ASIC2: variants seen among roughly 807,000 people sequenced by gnomAD.
ASIC2 encodes acid-sensing ion channel 2.
A neutral mutation model predicts 57.3 loss-of-function variants in ASIC2; 25 were observed. The observed-to-expected ratio is 0.44, with a 90% CI of 0.32 to 0.61. The LOEUF is 0.61. ASIC2 is among the 20% of genes least tolerant of loss of function. The probability of loss-of-function intolerance (pLI) is 0.06; values close to 1 mark genes in which losing one functional copy is unlikely to be tolerated. For missense variants in ASIC2, 641 were observed against 738.1 expected (o/e 0.87, Z 1.52); for synonymous variants, 319 against 307.5 (o/e 1.04, Z -0.39).
chr17:33,545,205 A>G (rs1007624771), intron 1 of ASIC2, among the ~76,000 whole-genome samples: 1 of 152,200 alleles, frequency 6.6e-6, no homozygotes, highest in Non-Finnish European at 1.5e-5. Context: ...TTTTTAAAGA[A>G]ATATGACAAT....
At chr17:33,799,560 T>C (rs1912069953) in intron 1 of ASIC2, among the ~76,000 whole-genome samples, 1 of 150,826 alleles carries the variant, frequency 6.6e-6, no homozygotes, top group South Asian at 2.1e-4. Flanking sequence ...TTTTATTTCC[T>C]GCTTTTATTT....
chr17:33,815,934 C>T (rs1912566344), intron 1 of ASIC2, among the ~76,000 whole-genome samples: 1 of 152,174 alleles, frequency 6.6e-6, no homozygotes, highest in African/African-American at 2.4e-5. Flanking sequence ...GCTAGTATCA[C>T]AGTCTACGGG....
intron 1 of ASIC2, among the ~76,000 whole-genome samples, chr17:33,507,433 A>T (rs567986500): frequency 6.6e-6 from 1 of 152,210 alleles, no homozygotes; most frequent in South Asian, 2.1e-4. Context: ...CTGATTTCCT[A>T]CCTAGACTCT....
chr17:33,727,051 T>A (rs938699299), intron 1 of ASIC2, among the ~76,000 whole-genome samples: 5 of 152,198 alleles, frequency 3.3e-5, no homozygotes, highest in African/African-American at 1.2e-4. Context: ...TTTTGGTCAT[T>A]ACACATTCTT....
intron 1 of ASIC2, among the ~76,000 whole-genome samples, chr17:33,940,535 C>T (rs1916165906): frequency 6.6e-6 from 1 of 151,996 alleles, no homozygotes; most frequent in African/African-American, 2.4e-5. Context: ...TCCATCCCTT[C>T]CTTCCTTCCT....
chr17:33,710,789 C>T (rs1276488550), intron 1 of ASIC2, among the ~76,000 whole-genome samples: 1 of 152,030 alleles, frequency 6.6e-6, no homozygotes, highest in Non-Finnish European at 1.5e-5. Context: ...CAGTTTGGGT[C>T]CTTGTGGCAG....
chr17:34,048,824 C>T (rs1222608745), intron 1 of ASIC2, among the ~76,000 whole-genome samples: 1 of 152,162 alleles, frequency 6.6e-6, no homozygotes, highest in Admixed American at 6.5e-5. Context: ...AGACCAGCAA[C>T]ATAGTGAACA....
At chr17:33,661,503 G>A (rs891751747) in intron 1 of ASIC2, among the ~76,000 whole-genome samples, 1 of 152,202 alleles carries the variant, frequency 6.6e-6, no homozygotes, top group Admixed American at 6.5e-5. Flanking sequence ...AAGTCTAGTG[G>A]CATGGCCTTG....
chr17:34,009,453 A>G (rs538677621), intron 1 of ASIC2, among the ~76,000 whole-genome samples: 1 of 152,240 alleles, frequency 6.6e-6, no homozygotes, highest in Non-Finnish European at 1.5e-5. Context: ...AAAGAATATA[A>G]AATATCTCTT....
In ASIC2 at chr17:34,039,928, C is replaced by T; in HGVS notation, c.555+116050G>A. On this transcript the variant is annotated intron_variant, in intron 1 of 9. Coordinates refer to the ASIC2 transcript ENST00000359872. ...ACGCTCCTCCCTGGAGGGACCCCGA[C>T]CCGACCCGGCTGCGGACCGCTCCGC... is the stretch of plus-strand genomic sequence containing the variant. 9 of 1,466,028 alleles carry T rather than the reference C, an allele frequency of 6.1e-6. 1 individual carries two copies. The highest frequency in any genetic ancestry group is 4.6e-5 in the South Asian group (4 of 87,688). 90.8% of individuals were successfully genotyped at this position (1,466,028 alleles called of 1,614,324 possible). A position where few individuals can be genotyped will look rare whatever the true frequency, so the allele number is the denominator to read the frequency against.
At chr17:33,694,641 C>G (rs1293640534) in intron 1 of ASIC2, among the ~76,000 whole-genome samples, 1 of 152,230 alleles carries the variant, frequency 6.6e-6, no homozygotes, top group African/African-American at 2.4e-5. Flanking sequence ...GTCAAGCTAA[C>G]TCAAGCAAAA....
chr17:34,016,423 C>CAAA (rs398041640), intron 1 of ASIC2, among the ~76,000 whole-genome samples: 2,743 of 41,340 alleles, frequency 0.066, 389 homozygotes, highest in African/African-American at 0.17. Context: ...GACTCCGTCT[C>CAAA]AAAAAAAAAA....
intron 1 of ASIC2, among the ~76,000 whole-genome samples, chr17:33,536,791 G>A (rs1567642884): frequency 6.6e-6 from 1 of 152,180 alleles, no homozygotes; most frequent in Non-Finnish European, 1.5e-5. Flanking sequence ...TGGATTACTT[G>A]AGCCAAGGAG....
chr17:33,870,224 G>GTTTTTTTTTTTTTTTTTTT (rs869267956), intron 1 of ASIC2, among the ~76,000 whole-genome samples: 1 of 50,116 alleles, frequency 2.0e-5, no homozygotes, highest in Non-Finnish European at 3.4e-5. Context: ...GAGAAATTCT[G>GTTTTTTTTTTTTTTTTTTT]TTTTTTTTTT....
intron 1 of ASIC2, among the ~76,000 whole-genome samples, chr17:33,607,530 C>G (rs756365669): frequency 1.3e-5 from 2 of 152,192 alleles, no homozygotes; most frequent in African/African-American, 2.4e-5. Flanking sequence ...GCTGTTTGCT[C>G]TTTCCCTTGG....
rs969122765 is a variant in ASIC2, at chr17:33,291,877, C to T, written c.239G>A (p.Gly80Glu). 1.9e-6 allele frequency: 3 copies of T among 1,607,128 alleles called. No individual in the cohort carries two copies. The highest frequency in any genetic ancestry group is 1.1e-5 in the South Asian group (1 of 90,982). Residue 80 changes from glycine to glutamate, a missense_variant, in exon 1 of 10, where the codon GGG (glycine) becomes GAG (glutamate). Physicochemically the swap from Gly to Glu is moderately conservative, Grantham distance 98 (BLOSUM62 -2). Around this residue, in one of 3 missense-constraint regions of ASIC2, gnomAD observed 382 missense variants for 398.0 expected, o/e 0.96. Coordinates refer to ENST00000225823, the MANE Select transcript of ASIC2 (RefSeq NM_183377.2). ...RHMCAGRTAA[G>E]GSFQRRALWV... ...CAGCGCCCGCCGCTGGAAGGAGCCC[C>T]CAGCCGCCGTGCGCCCGGCACACAT...
intron 1 of ASIC2, among the ~76,000 whole-genome samples, chr17:33,787,641 A>AAACAGT: frequency 6.6e-6 from 1 of 152,274 alleles, no homozygotes; most frequent in African/African-American, 2.4e-5. Context: ...CATGTAGGGG[A>AAACAGT]GGGTGACAAG....
intron 1 of ASIC2, among the ~76,000 whole-genome samples, chr17:33,904,056 G>A (rs1035006432): frequency 2.0e-5 from 3 of 150,848 alleles, no homozygotes; most frequent in Admixed American, 1.3e-4. Flanking sequence ...CCAGCTACTC[G>A]GGAGGCTGAG....
intron 1 of ASIC2, among the ~76,000 whole-genome samples, chr17:33,715,710 C>T (rs1423321240): frequency 1.3e-5 from 2 of 152,090 alleles, no homozygotes; most frequent in Non-Finnish European, 2.9e-5. Flanking sequence ...TGTCACTATC[C>T]CCTTCCAATG....
Sources: allele counts gnomAD v4.1 joint callset (sites outside exome capture counted in the v4.1 genomes callset), GRCh38; gene constraint gnomAD v4.1.1; regional missense constraint gnomAD v4.1.1; transcripts MANE v1.5; gene names NCBI Gene and HGNC (gene_info 2026-07-23, HGNC 2026-07-21).